Variants in KCNH5 observed in about 807,000 individuals in gnomAD.
KCNH5 encodes the protein voltage-gated delayed rectifier potassium channel KCNH5.
A neutral mutation model predicts 96.1 loss-of-function variants in KCNH5; 46 were observed. That is an observed-to-expected ratio of 0.48 (90% CI 0.38 to 0.61). KCNH5 has a LOEUF of 0.61. Among genes scored for constraint, KCNH5 ranks in the 20% least tolerant of loss-of-function variants. The probability of loss-of-function intolerance (pLI) is 0.00; values close to 1 mark genes in which losing one functional copy is unlikely to be tolerated. For synonymous variants in KCNH5, 439 were observed against 449.8 expected, an observed-to-expected ratio of 0.98 and a Z score of 0.30; for missense variants, 907 against 1,225.8, an observed-to-expected ratio of 0.74 and a Z score of 3.88.
intron 2 of KCNH5, among the ~76,000 whole-genome samples, chr14:63,016,536 T>C (rs1891329761): frequency 2.6e-5 from 4 of 152,070 alleles, no homozygotes; most frequent in Admixed American, 2.6e-4. Flanking sequence ...ATACAAGACG[T>C]TCCTCTGATT....
intron 7 of KCNH5, among the ~76,000 whole-genome samples, chr14:62,886,500 G>A (rs1050986960): frequency 2.6e-5 from 4 of 152,040 alleles, no homozygotes; most frequent in Admixed American, 1.3e-4. Flanking sequence ...CCAGGAGTGG[G>A]GTGTGCATGT....
intron 7 of KCNH5, among the ~76,000 whole-genome samples, chr14:62,876,605 T>C (rs1888377663): frequency 6.6e-6 from 1 of 152,174 alleles, no homozygotes; most frequent in Non-Finnish European, 1.5e-5. Flanking sequence ...AAAAATCAAG[T>C]AGCAGAAAAA....
chr14:62,907,421 C>T (rs1236763825), intron 7 of KCNH5, among the ~76,000 whole-genome samples: 2 of 152,218 alleles, frequency 1.3e-5, no homozygotes, highest in Non-Finnish European at 2.9e-5. Flanking sequence ...CACAGTGCCA[C>T]ACTGACTATT....
chr14:62,818,939 C>T (rs1482895465), intron 8 of KCNH5, among the ~76,000 whole-genome samples: 2 of 152,078 alleles, frequency 1.3e-5, no homozygotes, highest in African/African-American at 2.4e-5. Flanking sequence ...GAAATCCATA[C>T]AAAAGAATAT....
chr14:63,036,642 A>C (rs969989588), intron 1 of KCNH5, among the ~76,000 whole-genome samples: 1 of 152,148 alleles, frequency 6.6e-6, no homozygotes, highest in African/African-American at 2.4e-5. Context: ...CAGAGAAGAT[A>C]AAGTTTAAAT....
At chr14:63,022,555 G>A (rs972387494) in intron 1 of KCNH5, among the ~76,000 whole-genome samples, 4 of 151,988 alleles carry the variant, frequency 2.6e-5, no homozygotes, top group African/African-American at 7.3e-5. Flanking sequence ...TCCTTTCCAT[G>A]GCCCACAATG....
chr14:62,964,105 C>T (rs190486466), intron 6 of KCNH5, among the ~76,000 whole-genome samples: 1 of 152,104 alleles, frequency 6.6e-6, no homozygotes, highest in East Asian at 1.9e-4. Context: ...TTCCTCACTT[C>T]CCTATACTTT....
intron 7 of KCNH5, among the ~76,000 whole-genome samples, chr14:62,899,648 C>A (rs574595760): frequency 6.6e-6 from 1 of 151,140 alleles, no homozygotes; most frequent in African/African-American, 2.4e-5. Context: ...CGGCTAAAAA[C>A]GGTGAAACCC....
intron 1 of KCNH5, among the ~76,000 whole-genome samples, chr14:63,020,119 C>A (rs1026215686): frequency 1.3e-5 from 2 of 152,038 alleles, no homozygotes; most frequent in Non-Finnish European, 1.5e-5. Flanking sequence ...GAAAGCACAA[C>A]GATATACTGC....
intron 2 of KCNH5, among the ~76,000 whole-genome samples, chr14:63,012,337 T>C (rs1891245135): frequency 6.6e-6 from 1 of 152,176 alleles, no homozygotes; most frequent in Non-Finnish European, 1.5e-5. Flanking sequence ...TGTCATAGTG[T>C]CATAATTTTA....
chr14:62,925,261 A>T (rs959229077), intron 7 of KCNH5, among the ~76,000 whole-genome samples: 1 of 152,046 alleles, frequency 6.6e-6, no homozygotes, highest in Admixed American at 6.6e-5. Flanking sequence ...ATGTTTTGCT[A>T]GCCCACTTCA....
chr14:62,838,797 G>A (rs1887516727), intron 8 of KCNH5, among the ~76,000 whole-genome samples: 1 of 152,038 alleles, frequency 6.6e-6, no homozygotes, highest in Admixed American at 6.6e-5. Context: ...TCAGTAAATG[G>A]GAATAATTAT....
chr14:62,884,609 G>C (rs889374984), intron 7 of KCNH5, among the ~76,000 whole-genome samples: 1 of 152,054 alleles, frequency 6.6e-6, no homozygotes, highest in African/African-American at 2.4e-5. Flanking sequence ...CTGGGCGAGA[G>C]AATAAGACTC....
chr14:62,780,215 A>G (rs1383086904), intron 9 of KCNH5, among the ~76,000 whole-genome samples: 1 of 152,206 alleles, frequency 6.6e-6, no homozygotes, highest in Non-Finnish European at 1.5e-5. Context: ...TGCCACCTTA[A>G]CTTTTCCTAT....
At chr14:63,020,986 T>C (rs565362517) in intron 1 of KCNH5, among the ~76,000 whole-genome samples, 1 of 152,290 alleles carries the variant, frequency 6.6e-6, no homozygotes, top group African/African-American at 2.4e-5. Context: ...TAAATTCCTC[T>C]ATAAATAAAT....
chr14:62,811,524 T>C (rs1886872617), intron 8 of KCNH5, among the ~76,000 whole-genome samples: 1 of 152,172 alleles, frequency 6.6e-6, no homozygotes, highest in African/African-American at 2.4e-5. Context: ...AAGCACAGAT[T>C]ATCCTTCTTT....
chr14:62,759,912 G>A (rs963464976), intron 10 of KCNH5, among the ~76,000 whole-genome samples: 10 of 152,098 alleles, frequency 6.6e-5, no homozygotes, highest in African/African-American at 1.2e-4. Flanking sequence ...CCTGAACGGC[G>A]GGGATAGGCC....
chr14:62,789,966 A>G (rs1886398043), intron 9 of KCNH5, among the ~76,000 whole-genome samples: 1 of 151,914 alleles, frequency 6.6e-6, no homozygotes, highest in Non-Finnish European at 1.5e-5. Flanking sequence ...ATATCCAAAA[A>G]GTCATTGCCA....
chr14:63,016,199 G>C (rs1365159857), intron 2 of KCNH5, among the ~76,000 whole-genome samples: 1 of 151,750 alleles, frequency 6.6e-6, no homozygotes, highest in East Asian at 1.9e-4. Context: ...AAAGTTTTAG[G>C]TTCTAAATTA....
Sources: allele counts gnomAD v4.1 joint callset (sites outside exome capture counted in the v4.1 genomes callset), GRCh38; gene constraint gnomAD v4.1.1; transcripts MANE v1.5; gene names NCBI Gene and HGNC (gene_info 2026-07-23, HGNC 2026-07-21).